Variants in SCAI observed in about 807,000 individuals in gnomAD.
The protein encoded by SCAI is protein SCAI.
Under a neutral mutation model 92.2 loss-of-function variants are expected in SCAI, and 24 were observed. The observed-to-expected ratio is 0.26, with a 90% CI of 0.19 to 0.37. The LOEUF is 0.37. Among genes scored for constraint, SCAI ranks in the 10% least tolerant of loss-of-function variants. The pLI is 1.00. For synonymous variants in SCAI, 261 were observed against 258.6 expected, an observed-to-expected ratio of 1.01 and a Z score of -0.09; for missense variants, 450 against 736.2, an observed-to-expected ratio of 0.61 and a Z score of 4.50.
intron 2 of SCAI, among the ~76,000 whole-genome samples, chr9:125,080,197 C>A (rs955066788): frequency 6.6e-6 from 1 of 152,098 alleles, no homozygotes; most frequent in Admixed American, 6.5e-5. Flanking sequence ...ATCATCTGCA[C>A]ACACCTATAA....
Position 124,976,107 on chromosome 9 carries a change from T to C in SCAI, c.1399+7A>G. 1 of 1,588,676 alleles carries C rather than the reference T, an allele frequency of 6.3e-7. No homozygotes were observed. Among genetic ancestry groups the C allele is most frequent in the Non-Finnish European group, 8.6e-7 (1 of 1,156,758 alleles). On this transcript the variant is annotated splice_region_variant and intron_variant, in intron 15 of 17. Coordinates refer to ENST00000336505, the MANE Select transcript of SCAI (RefSeq NM_001144877.3). Reference sequence around the variant, plus strand: ...CTATGGCTATACCAGGCAATGAGGGTACATACCTTGTAAAGCTTTTGGATA... The same window carrying C: ...CTATGGCTATACCAGGCAATGAGGGCACATACCTTGTAAAGCTTTTGGATA...
intron 14 of SCAI, among the ~76,000 whole-genome samples, chr9:124,987,540 T>G (rs1185706203): frequency 1.3e-5 from 2 of 152,086 alleles, no homozygotes; most frequent in Non-Finnish European, 2.9e-5. Flanking sequence ...GGAAAGAGCA[T>G]GGGCACTGCA....
At chr9:125,066,723 G>C (rs1833879157) in intron 2 of SCAI, among the ~76,000 whole-genome samples, 1 of 152,176 alleles carries the variant, frequency 6.6e-6, no homozygotes, top group Admixed American at 6.5e-5. Context: ...AAAGTGCTGG[G>C]ATTACAGGCG....
chr9:125,078,855 A>G (rs1178245934), intron 2 of SCAI, among the ~76,000 whole-genome samples: 1 of 152,136 alleles, frequency 6.6e-6, no homozygotes, highest in Non-Finnish European at 1.5e-5. Flanking sequence ...AGTGAGCCAT[A>G]ATTGTACCAC....
intron 17 of SCAI, among the ~76,000 whole-genome samples, chr9:124,967,662 TACACACAC>T (rs59150863): frequency 2.3e-4 from 34 of 150,624 alleles, no homozygotes; most frequent in African/African-American, 8.3e-4. Context: ...AATAAAAAAA[TACACACAC>T]ACACACACAC....
chr9:124,985,866 T>TA (rs199869823), intron 14 of SCAI, among the ~76,000 whole-genome samples: 1,718 of 58,412 alleles, frequency 0.029, 23 homozygotes, highest in East Asian at 0.14. Context: ...TCTGTCTCAA[T>TA]AAAAAAAAAA....
chr9:124,966,030 C>T (rs1403266166), intron 17 of SCAI, among the ~76,000 whole-genome samples: 1 of 152,136 alleles, frequency 6.6e-6, no homozygotes, highest in African/African-American at 2.4e-5. Flanking sequence ...GATGTGGCTA[C>T]CAAATTATTA....
At chr9:125,052,563 G>A (rs904709712) in intron 3 of SCAI, among the ~76,000 whole-genome samples, 1 of 151,988 alleles carries the variant, frequency 6.6e-6, no homozygotes, top group Non-Finnish European at 1.5e-5. Context: ...GGCGGAGGTT[G>A]CAGTGAGCAA....
intron 9 of SCAI, among the ~76,000 whole-genome samples, chr9:125,005,219 G>T (rs547630312): frequency 5.3e-5 from 8 of 152,200 alleles, no homozygotes; most frequent in African/African-American, 1.9e-4. Context: ...AAACAGATGA[G>T]AATTTTTTAA....
chr9:124,955,166 TAAA>T (rs58659477), intron 17 of SCAI, among the ~76,000 whole-genome samples: 2 of 111,260 alleles, frequency 1.8e-5, no homozygotes, highest in Admixed American at 9.7e-5. Flanking sequence ...AGACTCCGTC[TAAA>T]AAAAAAAAAA....
At position 124,955,536 on chromosome 9, in the gene SCAI, G is replaced by C. The variant is rs185654535; in HGVS notation, c.1675-2583C>G. Among the ~76,000 whole-genome samples the C allele has an allele frequency of 1.0e-3, 155 of 152,122 alleles. 1 individual carries two copies. The highest frequency in any genetic ancestry group is 3.6e-3 in the African/African-American group (148 of 41,502). On this transcript the variant is annotated intron_variant, in intron 17 of 17. Transcript: ENST00000336505. ...CTTGGGAGGCTGAGGCATGAGAATT[G>C]CTTGAACCCGGGAGGCAGAGGTTGC...
chr9:125,037,527 C>T (rs1181226980), intron 3 of SCAI, among the ~76,000 whole-genome samples: 3 of 152,146 alleles, frequency 2.0e-5, no homozygotes, highest in African/African-American at 7.2e-5. Flanking sequence ...CAGACTGTTT[C>T]CTGGTCATAT....
At chr9:125,106,122 A>AAAAAAAATATATATAT (rs1554791724) in intron 2 of SCAI, among the ~76,000 whole-genome samples, 1 of 8,864 alleles carries the variant, frequency 1.1e-4, no homozygotes. Context: ...AAAAAAAAAA[A>AAAAAAAATATATATAT]ATATATATAT....
At position 125,020,679 on chromosome 9, in the gene SCAI, C is replaced by T; in HGVS notation, c.603G>A (p.Leu201=). ...CTATTTAAAGTGTATTTACCTTTAC[C>T]AGATCCTTTACAACATCCATTTTGT... The part of the protein sequence containing the change: ...LLNKMDVVKD[L]VKELSDEIED... Residue 201 remains leucine (L), a synonymous_variant, in exon 7 of 18, where the codon CTG becomes CTA. Transcript: ENST00000336505. The T allele has an allele frequency of 7.2e-7, 1 of 1,392,414 alleles. No individual in the cohort carries two copies. The highest frequency in any genetic ancestry group is 1.0e-6 in the Non-Finnish European group (1 of 999,274). 86.3% of individuals were successfully genotyped at this position (1,392,414 alleles called of 1,614,324 possible). A position where few individuals can be genotyped will look rare whatever the true frequency, so the allele number is the denominator to read the frequency against.
At chr9:125,111,587 A>G (rs1834930128) in intron 2 of SCAI, among the ~76,000 whole-genome samples, 1 of 150,926 alleles carries the variant, frequency 6.6e-6, no homozygotes, top group African/African-American at 2.4e-5. Context: ...TCCATCAGCT[A>G]TCATTAGTGT....
In SCAI at chr9:124,984,751, G is replaced by C. The variant is rs558591642; in HGVS notation, c.1327-8565C>G. Among the ~76,000 whole-genome samples, 156 of 152,326 alleles carry C rather than the reference G, an allele frequency of 1.0e-3. 1 individual carries two copies. The highest frequency in any genetic ancestry group is 3.6e-3 in the African/African-American group (149 of 41,572). ...TATAACTAAAGATATGGAGTAGGTA[G>C]ATAATATTCAAGTTGAGTTTGAGAG... On this transcript the variant is annotated intron_variant, in intron 14 of 17. Transcript: ENST00000336505.
In SCAI at chr9:124,950,397, T is replaced by TAGG. The variant is rs1172208744; in HGVS notation, c.*2407_*2409dup. On this transcript the variant is annotated 3_prime_UTR_variant, in exon 18 of 18. Transcript: ENST00000336505. ...TACCAGGAAAGCCAGGACTAGAACT[T>TAGG]AGGTCTCCTAGTTCTCAGACCAGTG... 1 of 152,228 alleles carries TAGG rather than the reference T, an allele frequency of 6.6e-6. No individual in the cohort carries two copies. The highest frequency in any genetic ancestry group is 1.9e-4 in the East Asian group (1 of 5,170). The allele number at this position is 152,228 out of a possible 1,614,324, so 9.4% of individuals were successfully genotyped here.
chr9:125,075,811 C>T (rs577801496), intron 2 of SCAI, among the ~76,000 whole-genome samples: 4 of 152,180 alleles, frequency 2.6e-5, no homozygotes, highest in East Asian at 3.9e-4. Flanking sequence ...GTTTTCCAAC[C>T]GCCTCGGCCT....
intron 3 of SCAI, among the ~76,000 whole-genome samples, chr9:125,039,571 G>A (rs1181343379): frequency 5.3e-5 from 8 of 152,108 alleles, no homozygotes; most frequent in African/African-American, 1.7e-4. Flanking sequence ...CCATGTAGTC[G>A]CTAATCATTT....
Sources: allele counts gnomAD v4.1 joint callset (sites outside exome capture counted in the v4.1 genomes callset), GRCh38; gene constraint gnomAD v4.1.1; transcripts MANE v1.5; gene names NCBI Gene and HGNC (gene_info 2026-07-23, HGNC 2026-07-21).